OPCML: variants seen among roughly 807,000 people sequenced by gnomAD.
OPCML encodes opioid-binding protein/cell adhesion molecule.
Under a neutral mutation model 37.8 loss-of-function variants are expected in OPCML, and 13 were observed. The ratio of observed to expected loss-of-function variants is 0.34; its 90% CI spans 0.22 to 0.55. The LOEUF is 0.55. OPCML is among the 20% of genes least tolerant of loss of function. The pLI is 0.91. For missense variants in OPCML, 341 were observed against 435.6 expected, an observed-to-expected ratio of 0.78 and a Z score of 1.93; for synonymous variants, 176 against 168.8, an observed-to-expected ratio of 1.04 and a Z score of -0.33.
At chr11:132,463,791 C>T (rs140969487) in intron 4 of OPCML, among the ~76,000 whole-genome samples, 2 of 152,270 alleles carry the variant, frequency 1.3e-5, no homozygotes, top group African/African-American at 4.8e-5. Flanking sequence ...TGGGCCCCTC[C>T]CCTGGGAATT....
chr11:133,040,070 C>G (rs1216605861), intron 1 of OPCML, among the ~76,000 whole-genome samples: 1 of 151,822 alleles, frequency 6.6e-6, no homozygotes, highest in African/African-American at 2.4e-5. Context: ...CTATTTCCCT[C>G]TATTTCCTCA....
rs189739513 is a variant in OPCML at position 133,215,977 on chromosome 11, G to C, written c.62-272967C>G. Among the ~76,000 whole-genome samples the C allele has an allele frequency of 3.4e-3, 513 of 152,244 alleles. 2 individuals carry two copies. The highest frequency in any genetic ancestry group is 5.9e-3 in the Admixed American group (90 of 15,308). On this transcript the variant is annotated intron_variant, in intron 1 of 7. Transcript: ENST00000524381. Reference sequence around the variant, plus strand: ...ATTCCTTCAGGGCCTTGTAACTGATGAATAGAGGCCACCAGGAGGGGGTGG... The same window carrying C: ...ATTCCTTCAGGGCCTTGTAACTGATCAATAGAGGCCACCAGGAGGGGGTGG...
chr11:132,585,142 T>C (rs990204812), intron 3 of OPCML, among the ~76,000 whole-genome samples: 1 of 144,654 alleles, frequency 6.9e-6, no homozygotes, highest in African/African-American at 2.9e-5. Context: ...TCTCCACTTT[T>C]GGTCAACCTC....
chr11:133,218,683 C>A (rs1018439301), intron 1 of OPCML, among the ~76,000 whole-genome samples: 1 of 152,074 alleles, frequency 6.6e-6, no homozygotes, highest in Non-Finnish European at 1.5e-5. Flanking sequence ...AACTGCCTAC[C>A]CTACTCCAGG....
chr11:132,882,097 T>G (rs1290643019), intron 2 of OPCML, among the ~76,000 whole-genome samples: 1 of 152,176 alleles, frequency 6.6e-6, no homozygotes, highest in Non-Finnish European at 1.5e-5. Flanking sequence ...CTGGGGACAT[T>G]TCAAGGTAAA....
chr11:133,046,389 C>T (rs1948016704), intron 1 of OPCML, among the ~76,000 whole-genome samples: 2 of 152,182 alleles, frequency 1.3e-5, no homozygotes, highest in South Asian at 2.1e-4. Flanking sequence ...TAAAGAACAT[C>T]GTATCCTGAC....
intron 2 of OPCML, among the ~76,000 whole-genome samples, chr11:132,926,990 T>C (rs1945018078): frequency 6.6e-6 from 1 of 152,032 alleles, no homozygotes; most frequent in African/African-American, 2.4e-5. Flanking sequence ...AGACATATCA[T>C]TTGAAATTAC....
chr11:132,693,940 A>G (rs994148041), intron 2 of OPCML, among the ~76,000 whole-genome samples: 2 of 152,056 alleles, frequency 1.3e-5, no homozygotes, highest in African/African-American at 4.8e-5. Flanking sequence ...AAGAATCTTA[A>G]ACTCAAATGA....
chr11:132,956,961 T>C (rs1253801391), intron 1 of OPCML, among the ~76,000 whole-genome samples: 1 of 152,136 alleles, frequency 6.6e-6, no homozygotes, highest in Non-Finnish European at 1.5e-5. Flanking sequence ...CAAGATCCTA[T>C]CTCTACGAAA....
intron 2 of OPCML, among the ~76,000 whole-genome samples, chr11:132,683,516 G>A (rs1380171769): frequency 6.6e-6 from 1 of 152,136 alleles, no homozygotes; most frequent in African/African-American, 2.4e-5. Flanking sequence ...CCTATCAAAT[G>A]TATGACTTTT....
At chr11:133,410,474 G>C (rs1045387763) in intron 1 of OPCML, among the ~76,000 whole-genome samples, 1 of 151,776 alleles carries the variant, frequency 6.6e-6, no homozygotes, top group Non-Finnish European at 1.5e-5. Context: ...CACTAGCTGA[G>C]TCTTTTTCTC....
At chr11:133,313,105 T>A (rs904331591) in intron 1 of OPCML, among the ~76,000 whole-genome samples, 2 of 152,194 alleles carry the variant, frequency 1.3e-5, no homozygotes, top group Non-Finnish European at 2.9e-5. Context: ...TGATAGTACA[T>A]GATATACTTC....
intron 2 of OPCML, among the ~76,000 whole-genome samples, chr11:132,785,499 A>C (rs1947179282): frequency 1.3e-5 from 2 of 152,250 alleles, no homozygotes; most frequent in Non-Finnish European, 2.9e-5. Context: ...AAATAGCCAC[A>C]AATATACTTC....
chr11:132,691,170 G>A (rs1390194881), intron 2 of OPCML, among the ~76,000 whole-genome samples: 1 of 152,184 alleles, frequency 6.6e-6, no homozygotes, highest in African/African-American at 2.4e-5. Flanking sequence ...TTGTTCTTAA[G>A]ATTGCTTTAT....
At chr11:132,821,954 A>T (rs1940013247) in intron 2 of OPCML, among the ~76,000 whole-genome samples, 2 of 152,232 alleles carry the variant, frequency 1.3e-5, no homozygotes, top group South Asian at 4.1e-4. Context: ...GTGTGAGTGG[A>T]TATTACAGCT....
At chr11:132,446,924 T>C (rs567491081) in intron 4 of OPCML, among the ~76,000 whole-genome samples, 1 of 152,258 alleles carries the variant, frequency 6.6e-6, no homozygotes, top group South Asian at 2.1e-4. Context: ...TCAAGAAGGC[T>C]GTATTTTTGT....
chr11:133,500,965 G>C (rs1947898131), intron 1 of OPCML, among the ~76,000 whole-genome samples: 1 of 151,868 alleles, frequency 6.6e-6, no homozygotes, highest in African/African-American at 2.4e-5. Flanking sequence ...CCTGGGGAGG[G>C]CAGATGGGGG....
chr11:132,446,054 C>T (rs1315543305), intron 4 of OPCML, among the ~76,000 whole-genome samples: 1 of 134,034 alleles, frequency 7.5e-6, no homozygotes, highest in Non-Finnish European at 1.6e-5. Context: ...CAAGAGGCTT[C>T]TTTCCAAAGC....
chr11:132,736,539 AT>A (rs1373630851), intron 2 of OPCML, among the ~76,000 whole-genome samples: 2 of 152,286 alleles, frequency 1.3e-5, no homozygotes, highest in East Asian at 3.9e-4. Flanking sequence ...ATTATGGTTG[AT>A]TTGTGTGTCC....
Sources: gnomAD v4.1 joint callset for allele counts (sites outside exome capture counted in the v4.1 genomes callset) on GRCh38, gnomAD v4.1.1 for gene constraint, MANE v1.5 for transcripts, NCBI Gene and HGNC (gene_info 2026-07-23, HGNC 2026-07-21) for gene names.